The following USO1 variants were observed in gnomAD, a reference collection of about 807,000 sequenced individuals.
USO1 encodes the protein USO1 vesicle transport factor.
USO1 carries 57 observed loss-of-function variants against 124.5 expected under a neutral mutation model. The observed-to-expected ratio is 0.46, with a 90% CI of 0.37 to 0.57. The LOEUF (loss-of-function observed/expected upper bound fraction) is 0.57. Among genes scored for constraint, USO1 ranks in the 20% least tolerant of loss-of-function variants. USO1 has a pLI of 0.00. For synonymous variants in USO1, 369 were observed against 362.8 expected, an observed-to-expected ratio of 1.02 and a Z score of -0.19; for missense variants, 900 against 1,040.6, an observed-to-expected ratio of 0.86 and a Z score of 1.86.
chr4:75,806,100 T>A (rs747631709), intron 19 of USO1, among the ~76,000 whole-genome samples: 1 of 152,122 alleles, frequency 6.6e-6, no homozygotes, highest in Non-Finnish European at 1.5e-5. Flanking sequence ...CTAGCAGTTC[T>A]CCTGCCTCAG....
intron 8 of USO1, among the ~76,000 whole-genome samples, chr4:75,779,244 TAAC>T (rs1213542690): frequency 3.3e-5 from 5 of 152,226 alleles, no homozygotes; most frequent in African/African-American, 1.2e-4. Flanking sequence ...CCCTGAGACA[TAAC>T]AATATTGAAA....
chr4:75,743,792 T>A (rs1194238778), intron 1 of USO1, among the ~76,000 whole-genome samples: 2 of 152,228 alleles, frequency 1.3e-5, no homozygotes, highest in Admixed American at 1.3e-4. Flanking sequence ...AGCCCTTTTT[T>A]TTGAGACAGA....
chr4:75,736,831 C>T (rs191026302), intron 1 of USO1, among the ~76,000 whole-genome samples: 98 of 152,268 alleles, frequency 6.4e-4, no homozygotes, highest in African/African-American at 2.2e-3. Flanking sequence ...TCTCTTTTTT[C>T]TACTGTCATT....
chr4:75,812,334 A>G lies in USO1; in HGVS notation c.2758A>G (p.Ile920Val), dbSNP rs193234713. 2.8e-5 allele frequency: 45 copies of G among 1,602,052 alleles called. 1 individual carries two copies. Among genetic ancestry groups the G allele is most frequent in the Admixed American group, 1.2e-4 (7 of 58,402 alleles). ...LVLLADQDQK[I>V]LSLKNKLKDL... Reference sequence around the variant, plus strand: ...GCTCTTGGCCGATCAAGATCAGAAAATACTGTCATTGAAGAATAAACTCAA... The same window carrying G: ...GCTCTTGGCCGATCAAGATCAGAAAGTACTGTCATTGAAGAATAAACTCAA... The change falls in exon 23 of 24, where the codon ATA becomes GTA. Residue 920 changes from isoleucine (I) to valine (V), a missense_variant. This residue lies in a region of USO1 where 362 missense variants were observed against 359.0 expected (regional missense o/e 1.01). Transcript: ENST00000514213.
chr4:75,735,079 A>G (rs1720750544), intron 1 of USO1, among the ~76,000 whole-genome samples: 1 of 152,010 alleles, frequency 6.6e-6, no homozygotes, highest in Non-Finnish European at 1.5e-5. Flanking sequence ...ATGTTTTTCC[A>G]GTGGTTTGTA....
chr4:75,773,381 C>T (rs909461814), intron 7 of USO1, among the ~76,000 whole-genome samples: 4 of 151,734 alleles, frequency 2.6e-5, no homozygotes, highest in African/African-American at 9.7e-5. Flanking sequence ...ATACTAAGAC[C>T]TTGAAAGCTA....
chr4:75,745,909 AT>A (rs1198373494), intron 1 of USO1, among the ~76,000 whole-genome samples: 4 of 152,064 alleles, frequency 2.6e-5, no homozygotes, highest in African/African-American at 9.7e-5. Context: ...CAAATAAAAA[AT>A]AAAAAAAAAA....
intron 17 of USO1, among the ~76,000 whole-genome samples, chr4:75,803,524 C>T (rs996128816): frequency 2.6e-5 from 4 of 151,728 alleles, no homozygotes; most frequent in African/African-American, 9.7e-5. Flanking sequence ...GCAGCGGGCG[C>T]CTGTAATCCC....
At chr4:75,779,701 G>A (rs888994397) in intron 8 of USO1, among the ~76,000 whole-genome samples, 4 of 152,204 alleles carry the variant, frequency 2.6e-5, no homozygotes, top group Admixed American at 6.5e-5. Flanking sequence ...ATGTTGCTGC[G>A]TGAGATCTAA....
chr4:75,764,162 C>A (rs577095411), intron 4 of USO1, among the ~76,000 whole-genome samples: 1 of 152,234 alleles, frequency 6.6e-6, no homozygotes, highest in African/African-American at 2.4e-5. Context: ...GCATATTATA[C>A]AATATAGCTA....
At chr4:75,752,669 C>T in intron 3 of USO1, 65 bp downstream of exon 3, 1 of 397,678 alleles carries the variant, frequency 2.5e-6, no homozygotes, top group Non-Finnish European at 4.4e-6. Context: ...GAGTCAGCAT[C>T]ACTATTCCAA....
chr4:75,801,071 T>A lies in USO1; in HGVS notation c.1865-8T>A, dbSNP rs1243465771. 1 of 1,527,140 alleles carries A rather than the reference T, an allele frequency of 6.5e-7. No individual in the cohort carries two copies. The highest frequency in any genetic ancestry group is 8.8e-7 in the Non-Finnish European group (1 of 1,142,202). 94.6% of individuals were successfully genotyped at this position (1,527,140 alleles called of 1,614,324 possible). Reference sequence around the variant, plus strand: ...TAAAACAAATTTTAAATAAGCTTCCTTTTATAGGTGTTATAACTAAGGCTA... The same window carrying A: ...TAAAACAAATTTTAAATAAGCTTCCATTTATAGGTGTTATAACTAAGGCTA... On this transcript the variant is annotated splice_region_variant and splice_polypyrimidine_tract_variant and intron_variant, in intron 16 of 23. Transcript: ENST00000514213.
Position 75,757,549 on chromosome 4 carries a change from T to C in USO1, c.271T>C (p.Ser91Pro). Residue 91 changes from serine (S) to proline (P), a missense_variant, in exon 4 of 24, where the codon TCT becomes CCT. Ser to Pro is a moderately conservative substitution (Grantham distance 74). Around this residue, in one of 2 missense-constraint regions of USO1, gnomAD observed 538 missense variants for 681.6 expected, o/e 0.79. Coordinates refer to ENST00000514213, the MANE Select transcript of USO1 (RefSeq NM_003715.4). ...YALDTLYNIISNEEEEEVEEN... is the reference protein window; with the variant it reads ...YALDTLYNIIPNEEEEEVEEN... ...TTTGGACACACTATATAATATAATA[T>C]CTAATGAAGAAGAAGAAGAAGTAGG... 1 of 1,493,164 alleles carries C rather than the reference T, an allele frequency of 6.7e-7. No individual in the cohort carries two copies. Among genetic ancestry groups the C allele is most frequent in the Non-Finnish European group, 8.9e-7 (1 of 1,121,022 alleles). The allele number at this position is 1,493,164 out of a possible 1,614,324, so 92.5% of individuals were successfully genotyped here. A position where few individuals can be genotyped will look rare whatever the true frequency, so the allele number is the denominator to read the frequency against.
At chr4:75,738,912 G>T (rs1220391569) in intron 1 of USO1, among the ~76,000 whole-genome samples, 1 of 152,048 alleles carries the variant, frequency 6.6e-6, no homozygotes, top group African/African-American at 2.4e-5. Context: ...GAGTGCAATG[G>T]TGCAAACTGG....
At chr4:75,728,714 C>A (rs1266212797) in intron 1 of USO1, among the ~76,000 whole-genome samples, 1 of 152,148 alleles carries the variant, frequency 6.6e-6, no homozygotes, top group African/African-American at 2.4e-5. Context: ...ATAGTCAATT[C>A]TATAAAGTAC....
At chr4:75,775,149 G>C (rs1722038818) in intron 8 of USO1, among the ~76,000 whole-genome samples, 1 of 152,164 alleles carries the variant, frequency 6.6e-6, no homozygotes, top group Non-Finnish European at 1.5e-5. Flanking sequence ...AGTGAATAGG[G>C]AGGACACAAT....
chr4:75,760,461 A>T (rs775903145), intron 4 of USO1: 2 of 372,090 alleles, frequency 5.4e-6, no homozygotes, highest in Non-Finnish European at 9.5e-6. Context: ...GTACATATGG[A>T]TCTCTTCTTC....
intron 1 of USO1, among the ~76,000 whole-genome samples, chr4:75,725,297 C>G (rs1371378704): frequency 6.6e-6 from 1 of 152,214 alleles, no homozygotes. Context: ...GTCCTGCTCC[C>G]TCCCTCGCAG....
rs139807901 is a variant in USO1, at chr4:75,805,468, A to G, written c.2289+165A>G. Among the ~76,000 whole-genome samples the G allele has an allele frequency of 4.4e-3, 662 of 151,780 alleles. 5 individuals are homozygous for G. The highest frequency in any genetic ancestry group is 0.017 in the Middle Eastern group (5 of 294). Reference sequence around the variant, plus strand: ...ACGCCTGTAATCCTAGCACTTTGGGAGGCTGAGGTGGGCGGATCACCTGAG... The same window carrying G: ...ACGCCTGTAATCCTAGCACTTTGGGGGGCTGAGGTGGGCGGATCACCTGAG... On this transcript the variant is annotated intron_variant, in intron 19 of 23. Coordinates refer to ENST00000514213, the MANE Select transcript of USO1 (RefSeq NM_003715.4).
Sources: allele counts gnomAD v4.1 joint callset (sites outside exome capture counted in the v4.1 genomes callset), GRCh38; gene constraint gnomAD v4.1.1; regional missense constraint gnomAD v4.1.1; transcripts MANE v1.5; gene names NCBI Gene and HGNC (gene_info 2026-07-23, HGNC 2026-07-21).